Variants in MGST1 observed in about 807,000 individuals in gnomAD.
MGST1 encodes microsomal glutathione S-transferase 1.
MGST1 carries 5 observed loss-of-function variants against 8.9 expected under a neutral mutation model. The ratio of observed to expected loss-of-function variants is 0.56; its 90% confidence interval spans 0.29 to 1.19. The LOEUF (loss-of-function observed/expected upper bound fraction) is 1.19, where lower values mean the gene tolerates loss of function less well. MGST1 is among the 50% of genes most tolerant of loss of function. The pLI is 0.08. For synonymous variants in MGST1, 54 were observed against 67.8 expected, an observed-to-expected ratio of 0.80 and a Z score of 1.00; for missense variants, 182 against 187.4, an observed-to-expected ratio of 0.97 and a Z score of 0.17.
chr12:16,441,819 G>A (rs569296722), downstream of MGST1, among the ~76,000 whole-genome samples: 105 of 151,912 alleles, frequency 6.9e-4, no homozygotes, highest in African/African-American at 2.5e-3. Context: ...GCAAGTTTTT[G>A]TGTAGACATA....
intron 4 of MGST1, among the ~76,000 whole-genome samples, chr12:16,556,917 G>A (rs1375475203): frequency 6.6e-6 from 1 of 152,134 alleles, no homozygotes; most frequent in East Asian, 1.9e-4. Flanking sequence ...TGTAATAAAT[G>A]AAGCGAACAC....
chr12:16,568,715 T>C (rs1489001813), intron 4 of MGST1, among the ~76,000 whole-genome samples: 2 of 152,210 alleles, frequency 1.3e-5, no homozygotes, highest in Admixed American at 1.3e-4. Flanking sequence ...TAAAACACTT[T>C]CCTTGGCTAC....
chr12:16,407,122 C>T (rs563625120), intron 1 of MGST1, among the ~76,000 whole-genome samples: 1 of 151,992 alleles, frequency 6.6e-6, no homozygotes, highest in Non-Finnish European at 1.5e-5. Flanking sequence ...AGTGAAGAGA[C>T]GAGACAACCT....
chr12:16,591,775 A>G (rs779544742), downstream of MGST1, among the ~76,000 whole-genome samples: 3 of 152,094 alleles, frequency 2.0e-5, no homozygotes, highest in Non-Finnish European at 4.4e-5. The surrounding 1 kb of genome is among the most constrained non-coding windows in gnomAD (Gnocchi z 4.1). Flanking sequence ...CTCTGCACCC[A>G]AAATATAACC....
At chr12:16,581,549 G>A (rs529475846) in intron 4 of MGST1, among the ~76,000 whole-genome samples, 1 of 152,084 alleles carries the variant, frequency 6.6e-6, no homozygotes, top group Non-Finnish European at 1.5e-5. Context: ...ACCCATTATA[G>A]AGTAAATCCT....
intron 4 of MGST1, among the ~76,000 whole-genome samples, chr12:16,523,775 G>A (rs1941663932): frequency 6.6e-6 from 1 of 152,024 alleles, no homozygotes; most frequent in Admixed American, 6.6e-5. Flanking sequence ...TCTCTATATT[G>A]TTCAAGTTTC....
At chr12:16,498,111 C>T (rs774500850) in intron 4 of MGST1, among the ~76,000 whole-genome samples, 6 of 152,058 alleles carry the variant, frequency 3.9e-5, no homozygotes, top group Non-Finnish European at 7.4e-5. Context: ...TGAAGGATTC[C>T]AATGTACTTT....
chr12:16,422,612 C>G (rs1940848364), intron 1 of MGST1, among the ~76,000 whole-genome samples: 1 of 152,086 alleles, frequency 6.6e-6, no homozygotes, highest in Non-Finnish European at 1.5e-5. Context: ...TCTGTCTGAT[C>G]CCAATGTACT....
At chr12:16,578,818 A>AAAAAAC (rs969428939) in intron 4 of MGST1, among the ~76,000 whole-genome samples, 48 of 141,136 alleles carry the variant, frequency 3.4e-4, no homozygotes, top group African/African-American at 1.3e-3. Context: ...ATTCTGTCTC[A>AAAAAAC]AACAACAACA....
chr12:16,507,200 A>G (rs748569427), intron 4 of MGST1, among the ~76,000 whole-genome samples: 4 of 152,114 alleles, frequency 2.6e-5, no homozygotes, highest in South Asian at 2.1e-4. Flanking sequence ...AGGGTTCAAA[A>G]CTTGGAGGTT....
chr12:16,527,048 C>T (rs1591752409), intron 4 of MGST1, among the ~76,000 whole-genome samples: 2 of 152,080 alleles, frequency 1.3e-5, no homozygotes, highest in East Asian at 3.9e-4. Context: ...CACCACTTAG[C>T]TCTAGGTTAC....
chr12:16,532,525 G>A lies in MGST1; in HGVS notation n.483-57003G>A, dbSNP rs75792967. Among the ~76,000 whole-genome samples, 1,223 of 152,242 alleles carry A rather than the reference G, an allele frequency of 8.0e-3. 46 individuals carry two copies. In the East Asian group the frequency reaches 0.14, roughly 17 times the overall value. On this transcript the variant is annotated intron_variant and non_coding_transcript_variant, in intron 4 of 4. Coordinates refer to the MGST1 transcript ENST00000538857. ...ATTTTTCATTTATGTTTATTAATGT[G>A]AGATTTTGCAACAGAGGAGGAAAGG...
At chr12:16,540,298 G>A (rs1941785039) in intron 4 of MGST1, among the ~76,000 whole-genome samples, 2 of 152,044 alleles carry the variant, frequency 1.3e-5, no homozygotes, top group South Asian at 2.1e-4. Context: ...TTAGAGCCAG[G>A]GTCTTGCTGT....
chr12:16,458,968 T>G lies in MGST1; in HGVS notation n.482+75364T>G, dbSNP rs1361785562. Among the ~76,000 whole-genome samples the G allele has an allele frequency of 6.6e-6, 1 of 152,044 alleles. No homozygotes were observed. Among genetic ancestry groups the G allele is most frequent in the African/African-American group, 2.4e-5 (1 of 41,434 alleles). ...GTTCCAAGCTATCTGAGGCAGAATT[T>G]CATACCCAGAGCACTGCTGAGCCTT... On this transcript the variant is annotated intron_variant and non_coding_transcript_variant, in intron 4 of 4. Transcript: ENST00000538857. This position sits in a 1 kb window ranked among gnomAD's most constrained non-coding sequence, Gnocchi z 4.0.
In MGST1 at chr12:16,360,988, T is replaced by A. The variant is rs3214384; in HGVS notation, c.222-2807T>A. The stretch of plus-strand genomic sequence containing the variant: ...TCAGGGGTTTATAGTGTTCCCCCCC[T>A]CCCCGCCCCCAAAAGACCCACATGC... On this transcript the variant is annotated intron_variant, in intron 3 of 3. Coordinates refer to ENST00000396210, the MANE Select transcript of MGST1 (RefSeq NM_020300.5). 2.0e-3 allele frequency among the ~76,000 whole-genome samples: 221 copies of A among 110,222 alleles called. 2 individuals carry two copies. In the East Asian group the frequency reaches 0.07, roughly 35 times the overall value. 72.3% of individuals were successfully genotyped at this position (110,222 alleles called of 152,430 possible).
intron 4 of MGST1, among the ~76,000 whole-genome samples, chr12:16,531,192 A>C (rs1941720855): frequency 2.8e-5 from 4 of 143,286 alleles, no homozygotes; most frequent in South Asian, 4.5e-4. Flanking sequence ...AGTAATGATC[A>C]TGGTGAGTGG....
intron 1 of MGST1, among the ~76,000 whole-genome samples, chr12:16,432,121 T>A (rs912903098): frequency 6.8e-4 from 104 of 152,314 alleles, no homozygotes; most frequent in African/African-American, 2.4e-3. Context: ...CTAATTACTT[T>A]GCCTATGAGT....
At position 16,466,630 on chromosome 12, in the gene MGST1, G is replaced by A. The variant is rs147533674; in HGVS notation, n.482+83026G>A. ...TGGTCTTGGATAGGTAAGGTAAAGG[G>A]TATAGTTTATATTAGCATGGGACAA... On this transcript the variant is annotated intron_variant and non_coding_transcript_variant, in intron 4 of 4. Coordinates refer to the MGST1 transcript ENST00000538857. Among the ~76,000 whole-genome samples the A allele has an allele frequency of 2.4e-4, 36 of 152,222 alleles. No homozygotes were observed. In the East Asian group the frequency reaches 6.8e-3, roughly 29 times the overall value.
At chr12:16,417,042 A>G (rs1940792940) in intron 1 of MGST1, among the ~76,000 whole-genome samples, 1 of 152,168 alleles carries the variant, frequency 6.6e-6, no homozygotes, top group Admixed American at 6.5e-5. Context: ...TATTTATTCA[A>G]CAAACTTTTT....
Sources: allele counts gnomAD v4.1 joint callset (sites outside exome capture counted in the v4.1 genomes callset), GRCh38; gene constraint gnomAD v4.1.1; non-coding constraint Gnocchi (gnomAD v3.1); transcripts MANE v1.5; gene names NCBI Gene and HGNC (gene_info 2026-07-23, HGNC 2026-07-21).